Variants in KCNH1 observed in about 807,000 individuals in gnomAD.
KCNH1 encodes voltage-gated delayed rectifier potassium channel KCNH1.
In KCNH1, 27 loss-of-function variants were observed where a neutral mutation model predicts 69.2. The observed-to-expected ratio is 0.39, with a 90% CI of 0.29 to 0.54. The LOEUF (loss-of-function observed/expected upper bound fraction) is 0.54, where lower values mean the gene tolerates loss of function less well. KCNH1 is among the 20% of genes least tolerant of loss of function. The pLI, the probability that KCNH1 is intolerant of heterozygous loss-of-function variation, is 0.68. For missense variants in KCNH1, 798 were observed against 1,261.6 expected (o/e 0.63, Z 5.57); for synonymous variants, 456 against 487.7 (o/e 0.93, Z 0.86).
chr1:210,937,644 T>C (rs2102583886), intron 6 of KCNH1, among the ~76,000 whole-genome samples: 1 of 152,284 alleles, frequency 6.6e-6, no homozygotes, highest in South Asian at 2.1e-4. Flanking sequence ...GCAGCAGTGG[T>C]ATACTCCTGT....
chr1:210,818,252 G>C (rs1574274934), intron 7 of KCNH1, among the ~76,000 whole-genome samples: 1 of 152,142 alleles, frequency 6.6e-6, no homozygotes, highest in Middle Eastern at 3.4e-3. Context: ...TCATCTTCTT[G>C]GTGCTAGAAA....
intron 7 of KCNH1, among the ~76,000 whole-genome samples, chr1:210,881,773 C>T (rs537816327): frequency 6.6e-5 from 10 of 152,142 alleles, no homozygotes; most frequent in African/African-American, 2.4e-4. Flanking sequence ...GTGAAAGAAG[C>T]CAATATGAAA....
intron 9 of KCNH1, among the ~76,000 whole-genome samples, chr1:210,778,545 A>AAT (rs1484353127): frequency 6.6e-6 from 1 of 151,764 alleles, no homozygotes; most frequent in East Asian, 1.9e-4. Flanking sequence ...AAAAAAAAAA[A>AAT]AAATTACCTG....
intron 10 of KCNH1, among the ~76,000 whole-genome samples, chr1:210,764,724 G>T (rs1683589990): frequency 6.6e-6 from 1 of 152,204 alleles, no homozygotes; most frequent in Admixed American, 6.5e-5. Flanking sequence ...AGATGGTAAG[G>T]TTGGGAAGAA....
At chr1:210,973,117 G>A (rs909324658) in intron 6 of KCNH1, among the ~76,000 whole-genome samples, 2 of 151,774 alleles carry the variant, frequency 1.3e-5, no homozygotes, top group African/African-American at 4.8e-5. Context: ...TACCCTTTTA[G>A]CCCAACTTCT....
intron 1 of KCNH1, among the ~76,000 whole-genome samples, chr1:211,114,801 G>A (rs1428370297): frequency 6.6e-6 from 1 of 152,122 alleles, no homozygotes; most frequent in Non-Finnish European, 1.5e-5. Flanking sequence ...CTAATTTTAA[G>A]CTAAGCAAAA....
At chr1:211,000,542 G>C (rs1029123094) in intron 6 of KCNH1, among the ~76,000 whole-genome samples, 3 of 152,278 alleles carry the variant, frequency 2.0e-5, no homozygotes, top group South Asian at 4.1e-4. Flanking sequence ...AACATTCCAT[G>C]CTCATGGATA....
chr1:210,778,151 C>T (rs1277549311), intron 9 of KCNH1, among the ~76,000 whole-genome samples: 1 of 152,178 alleles, frequency 6.6e-6, no homozygotes, highest in Non-Finnish European at 1.5e-5. Context: ...GACTATAGCC[C>T]CAGTCAATGC....
intron 5 of KCNH1, among the ~76,000 whole-genome samples, chr1:211,064,115 C>G (rs1690484426): frequency 1.3e-5 from 2 of 152,298 alleles, no homozygotes; most frequent in East Asian, 1.9e-4. Context: ...TTACCAAAGA[C>G]TGGTAACAAT....
At chr1:211,076,451 A>T (rs556741923) in intron 5 of KCNH1, among the ~76,000 whole-genome samples, 25 of 152,354 alleles carry the variant, frequency 1.6e-4, no homozygotes, top group East Asian at 3.9e-4. Context: ...TCCATTGGTG[A>T]TATCCAGGCA....
intron 6 of KCNH1, among the ~76,000 whole-genome samples, chr1:210,964,614 C>T (rs1242118479): frequency 6.6e-6 from 1 of 151,252 alleles, no homozygotes; most frequent in African/African-American, 2.4e-5. Context: ...TAATTAATAG[C>T]CTACAAATCA....
At chr1:210,887,726 A>T (rs1481537531) in intron 7 of KCNH1, among the ~76,000 whole-genome samples, 1 of 141,680 alleles carries the variant, frequency 7.1e-6, no homozygotes, top group African/African-American at 2.8e-5. Context: ...GAAAGCCAAA[A>T]AAAAAAAAAA....
At chr1:210,809,805 G>A (rs1237412172) in intron 7 of KCNH1, among the ~76,000 whole-genome samples, 1 of 152,130 alleles carries the variant, frequency 6.6e-6, no homozygotes, top group Admixed American at 6.5e-5. Context: ...TTTAGTCTTA[G>A]GGAAGAAAGA....
At chr1:210,858,004 TA>T (rs1297633377) in intron 7 of KCNH1, 1 of 152,194 alleles carries the variant, frequency 6.6e-6, no homozygotes, top group Non-Finnish European at 1.5e-5. Context: ...TTCAATTTTT[TA>T]AGTATGCATT....
At chr1:210,774,519 G>A (rs374792186) in intron 10 of KCNH1, among the ~76,000 whole-genome samples, 10 of 152,284 alleles carry the variant, frequency 6.6e-5, no homozygotes, top group East Asian at 3.9e-4. Flanking sequence ...AATAGGAACC[G>A]TGAGACAGTG....
intron 7 of KCNH1, among the ~76,000 whole-genome samples, chr1:210,855,600 G>A (rs1028471335): frequency 2.0e-5 from 3 of 152,192 alleles, no homozygotes; most frequent in Non-Finnish European, 2.9e-5. Context: ...TATAGACTGA[G>A]CCAGAGAGCG....
At chr1:210,975,326 T>C (rs879880033) in intron 6 of KCNH1, among the ~76,000 whole-genome samples, 1 of 152,190 alleles carries the variant, frequency 6.6e-6, no homozygotes, top group Admixed American at 6.5e-5. Flanking sequence ...GCTGGAGGCA[T>C]CACACTACCT....
At chr1:210,811,492 T>A (rs1016253803) in intron 7 of KCNH1, among the ~76,000 whole-genome samples, 2 of 152,166 alleles carry the variant, frequency 1.3e-5, no homozygotes, top group African/African-American at 4.8e-5. Flanking sequence ...AGCTTTCAAA[T>A]TTGTGTTACT....
intron 7 of KCNH1, among the ~76,000 whole-genome samples, chr1:210,842,853 C>A (rs960038189): frequency 6.6e-6 from 1 of 152,240 alleles, no homozygotes; most frequent in South Asian, 2.1e-4. Context: ...ACTGAGCAAC[C>A]AGTACCATCT....
Sources: allele counts gnomAD v4.1 joint callset (sites outside exome capture counted in the v4.1 genomes callset), GRCh38; gene constraint gnomAD v4.1.1; transcripts MANE v1.5; gene names NCBI Gene and HGNC (gene_info 2026-07-23, HGNC 2026-07-21).